CDH13: variants seen among roughly 807,000 people sequenced by gnomAD.
CDH13 encodes the protein cadherin-13.
Under a neutral mutation model 63.8 loss-of-function variants are expected in CDH13, and 24 were observed. The ratio of observed to expected loss-of-function variants is 0.38; its 90% confidence interval spans 0.27 to 0.53. The LOEUF (loss-of-function observed/expected upper bound fraction) is 0.53, where lower values mean the gene tolerates loss of function less well. Among genes scored for constraint, CDH13 ranks in the 20% least tolerant of loss-of-function variants. CDH13 has a pLI of 0.85. For synonymous variants in CDH13, 503 were observed against 355.3 expected, an observed-to-expected ratio of 1.42 and a Z score of -4.67; for missense variants, 1,049 against 903.1, an observed-to-expected ratio of 1.16 and a Z score of -2.07.
intron 4 of CDH13, among the ~76,000 whole-genome samples, chr16:83,216,379 C>G (rs1450679112): frequency 1.3e-4 from 10 of 78,678 alleles, no homozygotes; most frequent in Non-Finnish European, 2.8e-4. Context: ...TAATAATGTC[C>G]TCTGCCTCCA....
intron 10 of CDH13, among the ~76,000 whole-genome samples, chr16:83,693,699 G>A (rs550287754): frequency 3.3e-5 from 5 of 152,294 alleles, no homozygotes; most frequent in South Asian, 2.1e-4. Flanking sequence ...ATTTATGAAC[G>A]TTTGCAGCTT....
chr16:83,251,348 T>C (rs12716970), intron 5 of CDH13, among the ~76,000 whole-genome samples: 18,762 of 152,262 alleles, frequency 0.12, 1,326 homozygotes, highest in Middle Eastern at 0.23. Flanking sequence ...AATTATCACG[T>C]TATCCTTACA....
chr16:83,478,162 A>C (rs112671307), intron 6 of CDH13, among the ~76,000 whole-genome samples: 30,702 of 151,142 alleles, frequency 0.2, 3,127 homozygotes, highest in Middle Eastern at 0.27. Flanking sequence ...TCCGTCTCAA[A>C]AAAAAAAAAA....
chr16:83,636,743 T>A (rs992920243), intron 8 of CDH13, among the ~76,000 whole-genome samples: 4 of 152,216 alleles, frequency 2.6e-5, no homozygotes, highest in Non-Finnish European at 5.9e-5. Flanking sequence ...GTCTTTTCAG[T>A]AGAGTGACCT....
chr16:83,396,039 G>T (rs1189910797), intron 6 of CDH13, among the ~76,000 whole-genome samples: 2 of 152,176 alleles, frequency 1.3e-5, no homozygotes, highest in African/African-American at 4.8e-5. Context: ...GTGGGAACAT[G>T]TGGTATTTGG....
intron 1 of CDH13, among the ~76,000 whole-genome samples, chr16:82,736,665 C>G (rs984988151): frequency 1.3e-5 from 2 of 152,134 alleles, no homozygotes; most frequent in Non-Finnish European, 2.9e-5. Flanking sequence ...ATGGTTAATA[C>G]GATAATTTTT....
chr16:83,193,977 A>G (rs2038801432), intron 4 of CDH13, among the ~76,000 whole-genome samples: 1 of 152,172 alleles, frequency 6.6e-6, no homozygotes, highest in Non-Finnish European at 1.5e-5. Flanking sequence ...CATCCCCACA[A>G]TACGAGGAGG....
intron 3 of CDH13, among the ~76,000 whole-genome samples, chr16:83,060,618 C>A (rs920932101): frequency 1.3e-5 from 2 of 152,176 alleles, no homozygotes; most frequent in Admixed American, 6.5e-5. Flanking sequence ...TAATGAAACT[C>A]TCCGGAAAAG....
intron 1 of CDH13, among the ~76,000 whole-genome samples, chr16:82,693,171 C>A (rs1237595733): frequency 6.6e-6 from 1 of 152,156 alleles, no homozygotes; most frequent in Admixed American, 6.5e-5. Context: ...TGAGATGAGA[C>A]CCCAGACCTG....
chr16:82,665,206 A>G (rs746089581), intron 1 of CDH13, among the ~76,000 whole-genome samples: 1 of 152,170 alleles, frequency 6.6e-6, no homozygotes, highest in South Asian at 2.1e-4. Context: ...TTTCTTGGCA[A>G]TTTTGCTGTC....
intron 10 of CDH13, among the ~76,000 whole-genome samples, chr16:83,690,548 T>C (rs923179500): frequency 1.5e-4 from 22 of 151,590 alleles, no homozygotes; most frequent in African/African-American, 5.1e-4. Flanking sequence ...ATGGGGAAAG[T>C]GTTAAGCATG....
chr16:83,647,401 C>T (rs1259984428), intron 8 of CDH13, among the ~76,000 whole-genome samples: 1 of 152,038 alleles, frequency 6.6e-6, no homozygotes, highest in African/African-American at 2.4e-5. Context: ...CCCCAGGAGG[C>T]TTACCTTTCT....
chr16:83,479,265 C>A lies in CDH13; in HGVS notation c.782-7212C>A, dbSNP rs576488327. ...AGTCCTAGAAGCAGTGTGTCTTAAA[C>A]CCTAAGTGGTTGGGTCCCACAAGCT... On this transcript the variant is annotated intron_variant, in intron 6 of 13. Coordinates refer to ENST00000567109, the MANE Select transcript of CDH13 (RefSeq NM_001257.5). Among the ~76,000 whole-genome samples the A allele has an allele frequency of 2.6e-4, 39 of 152,320 alleles. 1 individual carries two copies. Among genetic ancestry groups the A allele is most frequent in the Admixed American group, 1.8e-3 (27 of 15,298 alleles).
intron 7 of CDH13, among the ~76,000 whole-genome samples, chr16:83,573,222 C>A (rs962304942): frequency 2.0e-5 from 3 of 152,156 alleles, no homozygotes; most frequent in Admixed American, 1.3e-4. Flanking sequence ...TTGGAGTATG[C>A]CTAGGAGCTG....
intron 7 of CDH13, among the ~76,000 whole-genome samples, chr16:83,559,248 TCA>T (rs2075656733): frequency 6.6e-6 from 1 of 152,156 alleles, no homozygotes; most frequent in Non-Finnish European, 1.5e-5. Context: ...GTTGATCACT[TCA>T]CATGTAGTAT....
At chr16:83,194,574 G>A (rs2038819158) in intron 4 of CDH13, among the ~76,000 whole-genome samples, 2 of 152,150 alleles carry the variant, frequency 1.3e-5, no homozygotes, top group Non-Finnish European at 2.9e-5. Context: ...TTCTATAGCC[G>A]AAACAATAAG....
intron 2 of CDH13, among the ~76,000 whole-genome samples, chr16:82,926,662 C>T (rs991884834): frequency 6.6e-6 from 1 of 152,180 alleles, no homozygotes; most frequent in African/African-American, 2.4e-5. Flanking sequence ...TTCGAGAAGA[C>T]AGATAAGCCA....
At chr16:83,649,238 C>A (rs1347553824) in intron 8 of CDH13, among the ~76,000 whole-genome samples, 5 of 152,194 alleles carry the variant, frequency 3.3e-5, no homozygotes, top group African/African-American at 7.2e-5. Flanking sequence ...CAATCAGACC[C>A]AATGAGGATT....
Position 83,800,439 on chromosome 16 carries a change from T to G in CDH13, c.*5409T>G, listed in dbSNP as rs1390079232. On this transcript the variant is annotated 3_prime_UTR_variant, in exon 14 of 14. Coordinates refer to ENST00000567109, the MANE Select transcript of CDH13 (RefSeq NM_001257.5). The stretch of plus-strand genomic sequence containing the variant: ...TTTAAGAAATTTTAAATGCTTTTTA[T>G]TCACACACACTTTTCAAAAGGGATA... 6.6e-6 allele frequency: 1 copy of G among 152,204 alleles called. No individual in the cohort carries two copies. Among genetic ancestry groups the G allele is most frequent in the Non-Finnish European group, 1.5e-5 (1 of 68,036 alleles). 9.4% of individuals were successfully genotyped at this position (152,204 alleles called of 1,614,324 possible).
Sources: gnomAD v4.1 joint callset for allele counts (sites outside exome capture counted in the v4.1 genomes callset) on GRCh38, gnomAD v4.1.1 for gene constraint, MANE v1.5 for transcripts, NCBI Gene and HGNC (gene_info 2026-07-23, HGNC 2026-07-21) for gene names.